CACNA1A: variants seen among roughly 807,000 people sequenced by gnomAD.
The protein encoded by CACNA1A is calcium voltage-gated channel subunit alpha1 A, also known as voltage-dependent P/Q-type calcium channel subunit alpha-1A.
Under a neutral mutation model 262.4 loss-of-function variants are expected in CACNA1A, and 57 were observed. The observed-to-expected ratio is 0.22, with a 90% CI of 0.18 to 0.27. The LOEUF is 0.27. CACNA1A is among the 10% of genes least tolerant of loss of function. The probability of loss-of-function intolerance (pLI) is 1.00; values close to 1 mark genes in which losing one functional copy is unlikely to be tolerated. For missense variants in CACNA1A, 2,526 were observed against 3,562.8 expected (o/e 0.71, Z 7.41); for synonymous variants, 1,431 against 1,419.3 (o/e 1.01, Z -0.18).
intron 38 of CACNA1A, among the ~76,000 whole-genome samples, chr19:13,223,420 C>T (rs1437352887): frequency 1.3e-5 from 2 of 151,822 alleles, no homozygotes; most frequent in African/African-American, 4.8e-5. Context: ...TCATCCTGAC[C>T]TCAAGTAATC....
chr19:13,424,364 C>T (rs571887621), intron 3 of CACNA1A, among the ~76,000 whole-genome samples: 9 of 152,142 alleles, frequency 5.9e-5, no homozygotes, highest in East Asian at 1.9e-4. Flanking sequence ...AGTGAGACTC[C>T]GTCACAAACA....
chr19:13,211,889 C>G (rs572189236), intron 43 of CACNA1A: 11 of 540,756 alleles, frequency 2.0e-5, no homozygotes, highest in Non-Finnish European at 3.3e-5. Flanking sequence ...GAGCACTTTC[C>G]TCTCTGTCCT....
intron 3 of CACNA1A, among the ~76,000 whole-genome samples, chr19:13,435,057 T>C (rs1568641493): frequency 1.3e-5 from 2 of 152,034 alleles, no homozygotes; most frequent in African/African-American, 2.4e-5. Flanking sequence ...CCCAAAGTAC[T>C]GGGATTATGG....
At chr19:13,328,117 C>T (rs1282234111) in intron 10 of CACNA1A, among the ~76,000 whole-genome samples, 2 of 152,142 alleles carry the variant, frequency 1.3e-5, no homozygotes, top group Admixed American at 1.3e-4. Context: ...GTTGCCCAGG[C>T]TGGTCTTGAA....
intron 18 of CACNA1A, among the ~76,000 whole-genome samples, chr19:13,299,808 A>G (rs760830841): frequency 6.6e-6 from 1 of 151,820 alleles, no homozygotes; most frequent in East Asian, 1.9e-4. Context: ...GCAGTCCCCA[A>G]CCTTTTTGGC....
At chr19:13,429,322 T>C (rs1194587757) in intron 3 of CACNA1A, among the ~76,000 whole-genome samples, 1 of 151,856 alleles carries the variant, frequency 6.6e-6, no homozygotes, top group Non-Finnish European at 1.5e-5. Context: ...ACTTGCGATA[T>C]TGTGTCTCAG....
chr19:13,502,252 G>T (rs939565484), intron 1 of CACNA1A, among the ~76,000 whole-genome samples: 1 of 151,990 alleles, frequency 6.6e-6, no homozygotes, highest in Non-Finnish European at 1.5e-5. Flanking sequence ...GTGACTTTAG[G>T]TGTCTTGTTA....
Position 13,299,359 on chromosome 19 carries a change from G to C in CACNA1A, c.2280-6C>G. The C allele has an allele frequency of 6.3e-7, 1 of 1,599,054 alleles. No homozygotes were observed. Among genetic ancestry groups the C allele is most frequent in the Non-Finnish European group, 8.5e-7 (1 of 1,179,330 alleles). On this transcript the variant is annotated splice_region_variant and splice_polypyrimidine_tract_variant and intron_variant, in intron 18 of 46. Transcript: ENST00000360228. Reference sequence around the variant, plus strand: ...GATTCTTCTGTTGCTCTTTCCTGCAGTGGCATGGTCACAGGACTTAGAGCA... The same window carrying C: ...GATTCTTCTGTTGCTCTTTCCTGCACTGGCATGGTCACAGGACTTAGAGCA...
At chr19:13,415,229 T>C (rs528890714) in intron 3 of CACNA1A, among the ~76,000 whole-genome samples, 2 of 151,290 alleles carry the variant, frequency 1.3e-5, no homozygotes, top group African/African-American at 4.8e-5. Context: ...CGGGTGTGTG[T>C]GCGGCGCGGA....
chr19:13,437,650 CA>C (rs1599453970), intron 3 of CACNA1A, among the ~76,000 whole-genome samples: 1 of 142,652 alleles, frequency 7.0e-6, no homozygotes, highest in East Asian at 2.1e-4. Flanking sequence ...AAGATCACGC[CA>C]CTGCACTCCA....
intron 5 of CACNA1A, among the ~76,000 whole-genome samples, chr19:13,361,372 A>G (rs1321820911): frequency 2.0e-5 from 3 of 152,218 alleles, no homozygotes; most frequent in Non-Finnish European, 2.9e-5. Context: ...TTGATGGGGT[A>G]GGGAGGCAGG....
intron 22 of CACNA1A, among the ~76,000 whole-genome samples, chr19:13,282,391 G>A (rs892137641): frequency 2.0e-5 from 3 of 152,080 alleles, no homozygotes; most frequent in African/African-American, 7.2e-5. Flanking sequence ...CAGGCCCTGG[G>A]GTCAAGCCTC....
intron 3 of CACNA1A, among the ~76,000 whole-genome samples, chr19:13,449,052 G>A (rs892993335): frequency 1.3e-5 from 2 of 151,340 alleles, no homozygotes; most frequent in Middle Eastern, 3.4e-3. Flanking sequence ...CTGCAGCCTC[G>A]ACCTCCTGGG....
chr19:13,334,209 C>G (rs1247597985), intron 8 of CACNA1A, 169 bp downstream of exon 8: 3 of 575,342 alleles, frequency 5.2e-6, no homozygotes, highest in African/African-American at 3.7e-5. Flanking sequence ...TAGACTTCTT[C>G]ATATCAGACT....
At position 13,349,557 on chromosome 19, in the gene CACNA1A, C is replaced by T. The variant is rs1013336780; in HGVS notation, c.978+10049G>A. ...CACTAGAACAACACAGAGCCACCAG[C>T]TCTTGTCTCCAGCAAACAGTTTTGT... On this transcript the variant is annotated intron_variant, in intron 6 of 46. Transcript: ENST00000360228. Among the ~76,000 whole-genome samples, 5 of 152,222 alleles carry T rather than the reference C, an allele frequency of 3.3e-5. No homozygotes were observed. In the South Asian group the frequency reaches 1.0e-3, roughly 32 times the overall value.
chr19:13,447,583 C>A (rs2060839379), intron 3 of CACNA1A, among the ~76,000 whole-genome samples: 2 of 152,300 alleles, frequency 1.3e-5, no homozygotes, highest in South Asian at 4.1e-4. Context: ...CCCACGATAG[C>A]CCATCTGAAG....
intron 3 of CACNA1A, among the ~76,000 whole-genome samples, chr19:13,446,249 CG>C (rs1299501361): frequency 1.0e-5 from 1 of 98,594 alleles, no homozygotes; most frequent in Non-Finnish European, 1.8e-5. Context: ...CACTCTGTCC[CG>C]AAAAAAAAAA....
intron 30 of CACNA1A, among the ~76,000 whole-genome samples, chr19:13,249,035 C>A (rs571633020): frequency 6.6e-6 from 1 of 152,044 alleles, no homozygotes; most frequent in Non-Finnish European, 1.5e-5. Flanking sequence ...GTGATGTGAT[C>A]GCAGCTCACT....
intron 3 of CACNA1A, among the ~76,000 whole-genome samples, chr19:13,438,696 C>A (rs954218074): frequency 6.6e-6 from 1 of 152,192 alleles, no homozygotes; most frequent in African/African-American, 2.4e-5. Context: ...TGCCACCCTT[C>A]AGAATCATGA....
Sources: allele counts gnomAD v4.1 joint callset (sites outside exome capture counted in the v4.1 genomes callset), GRCh38; gene constraint gnomAD v4.1.1; transcripts MANE v1.5; gene names NCBI Gene and HGNC (gene_info 2026-07-23, HGNC 2026-07-21).